The following RANBP2 variants were observed in gnomAD, a reference collection of about 807,000 sequenced individuals.
RANBP2 encodes E3 SUMO-protein ligase RanBP2.
A neutral mutation model predicts 303.6 loss-of-function variants in RANBP2; 57 were observed. The ratio of observed to expected loss-of-function variants is 0.19; its 90% CI spans 0.15 to 0.23. The LOEUF (loss-of-function observed/expected upper bound fraction) is 0.23. RANBP2 is among the 10% of genes least tolerant of loss of function. The pLI, the probability that RANBP2 is intolerant of heterozygous loss-of-function variation, is 1.00. For synonymous variants in RANBP2, 1,167 were observed against 1,301.5 expected (o/e 0.90, Z 2.23); for missense variants, 3,138 against 3,780.8 (o/e 0.83, Z 4.46).
the RANBP2 span, among the ~76,000 whole-genome samples, chr2:109,013,659 A>G: frequency 1.5e-3 from 230 of 150,362 alleles, no homozygotes; most frequent in Non-Finnish European, 2.6e-3. Context: ...GGCTCACTGG[A>G]ACCTCTGCCT....
chr2:109,190,087 C>G, the RANBP2 span, among the ~76,000 whole-genome samples: 1 of 152,190 alleles, frequency 6.6e-6, no homozygotes, highest in Admixed American at 6.5e-5. Context: ...AAACTTTTCC[C>G]GTGATCATAT....
chr2:109,078,137 C>A, the RANBP2 span, among the ~76,000 whole-genome samples: 5 of 35,178 alleles, frequency 1.4e-4, no homozygotes, highest in South Asian at 6.7e-4. Flanking sequence ...ATATATATAG[C>A]GTGTATATAT....
chr2:109,013,570 A>C, the RANBP2 span, among the ~76,000 whole-genome samples: 1 of 152,226 alleles, frequency 6.6e-6, no homozygotes, highest in South Asian at 2.1e-4. Flanking sequence ...TTATATTGCA[A>C]AGTGCAAGGC....
chr2:109,430,915 G>C, the RANBP2 span, among the ~76,000 whole-genome samples: 1 of 152,166 alleles, frequency 6.6e-6, no homozygotes, highest in Non-Finnish European at 1.5e-5. Context: ...AGGGCATGAG[G>C]GACACCTATC....
chr2:108,844,748 AT>A, the RANBP2 span, among the ~76,000 whole-genome samples: 10,909 of 136,550 alleles, frequency 0.08, 374 homozygotes, highest in South Asian at 0.14. Flanking sequence ...TACTATCCAC[AT>A]TTTTTTTTTT....
At chr2:109,249,710 C>T in the RANBP2 span, among the ~76,000 whole-genome samples, 9 of 150,588 alleles carry the variant, frequency 6.0e-5, no homozygotes, top group African/African-American at 1.2e-4. Context: ...TACAGTGGTG[C>T]GATCTCAGCT....
the RANBP2 span, among the ~76,000 whole-genome samples, chr2:109,082,017 C>T: frequency 6.6e-6 from 1 of 152,212 alleles, no homozygotes. Context: ...TGGACTCCAG[C>T]ATCTGTCAAC....
chr2:108,791,431 T>TA, the RANBP2 span: 4 of 478,532 alleles, frequency 8.4e-6, no homozygotes, highest in African/African-American at 2.0e-5. Context: ...ATACCACAGG[T>TA]AGGTATATGT....
chr2:108,990,266 C>A, the RANBP2 span, among the ~76,000 whole-genome samples: 1 of 151,536 alleles, frequency 6.6e-6, no homozygotes, highest in Non-Finnish European at 1.5e-5. Context: ...CCCGTCTCTA[C>A]TAAAAATACA....
At chr2:109,222,837 C>G in the RANBP2 span, among the ~76,000 whole-genome samples, 17 of 152,266 alleles carry the variant, frequency 1.1e-4, no homozygotes, top group African/African-American at 3.6e-4. Flanking sequence ...TTCCAGTTCT[C>G]AGCCAGCAGC....
the RANBP2 span, among the ~76,000 whole-genome samples, chr2:108,797,170 G>A: frequency 6.6e-6 from 1 of 152,140 alleles, no homozygotes; most frequent in Non-Finnish European, 1.5e-5. Flanking sequence ...AAGGGTATAA[G>A]GAATGAGAAG....
chr2:109,596,564 C>T, the RANBP2 span, among the ~76,000 whole-genome samples: 1 of 151,180 alleles, frequency 6.6e-6, no homozygotes, highest in Non-Finnish European at 1.5e-5. Context: ...TTGCAGTGAG[C>T]AGAGATCGCG....
At chr2:109,449,205 A>G in the RANBP2 span, 1 of 1,613,596 alleles carries the variant, frequency 6.2e-7, no homozygotes, top group Non-Finnish European at 8.5e-7. Flanking sequence ...GGACCGGCCA[A>G]CTGCCACCGT....
chr2:109,577,862 G>A, the RANBP2 span, among the ~76,000 whole-genome samples: 2 of 143,626 alleles, frequency 1.4e-5, no homozygotes, highest in Non-Finnish European at 3.0e-5. Context: ...ACAGTGAGCC[G>A]AGATTGCACC....
the RANBP2 span, among the ~76,000 whole-genome samples, chr2:109,712,063 C>G: frequency 6.6e-6 from 1 of 152,214 alleles, no homozygotes; most frequent in Non-Finnish European, 1.5e-5. Context: ...TGCAACACCA[C>G]GCTCCATTTT....
At chr2:109,095,376 G>T in the RANBP2 span, among the ~76,000 whole-genome samples, 2 of 152,184 alleles carry the variant, frequency 1.3e-5, no homozygotes, top group African/African-American at 4.8e-5. Context: ...TGTGTTTTTG[G>T]TAAAAGATTA....
the RANBP2 span, chr2:109,543,023 GTTTTA>G: frequency 9.9e-4 from 151 of 152,672 alleles, no homozygotes; most frequent in African/African-American, 3.4e-3. Context: ...GTAAATGTCA[GTTTTA>G]TTTAGAATAT....
the RANBP2 span, among the ~76,000 whole-genome samples, chr2:109,100,089 G>A: frequency 1.3e-5 from 2 of 152,144 alleles, no homozygotes; most frequent in Admixed American, 1.3e-4. Context: ...AAGTGTGAGG[G>A]GAGATTAATA....
chr2:109,090,689 T>G, the RANBP2 span, among the ~76,000 whole-genome samples: 1 of 152,224 alleles, frequency 6.6e-6, no homozygotes, highest in African/African-American at 2.4e-5. Flanking sequence ...GGCTTTATTT[T>G]TATTTATTAG....
Sources: gnomAD v4.1 joint callset for allele counts (sites outside exome capture counted in the v4.1 genomes callset) on GRCh38, gnomAD v4.1.1 for gene constraint, MANE v1.5 for transcripts, NCBI Gene and HGNC (gene_info 2026-07-23, HGNC 2026-07-21) for gene names.